RBFOX1: variants seen among roughly 807,000 people sequenced by gnomAD.
RBFOX1 encodes the protein RNA binding fox-1 homolog 1.
RBFOX1 carries 8 observed loss-of-function variants against 57.7 expected under a neutral mutation model. That is an observed-to-expected ratio of 0.14 (90% CI 0.08 to 0.25). The LOEUF is 0.25. RBFOX1 is among the 10% of genes least tolerant of loss of function. RBFOX1 has a pLI of 1.00. For missense variants in RBFOX1, 611 were observed against 548.5 expected (o/e 1.11, Z -1.14); for synonymous variants, 326 against 222.4 (o/e 1.47, Z -4.15).
intron 1 of RBFOX1, among the ~76,000 whole-genome samples, chr16:5,362,405 C>G (rs186591194): frequency 1.3e-5 from 2 of 152,292 alleles, no homozygotes; most frequent in East Asian, 3.9e-4. Flanking sequence ...TCTTGTTGCC[C>G]AGGCTGGAGT....
At chr16:6,156,586 G>A (rs1481381917) in intron 1 of RBFOX1, among the ~76,000 whole-genome samples, 3 of 152,164 alleles carry the variant, frequency 2.0e-5, no homozygotes, top group African/African-American at 7.2e-5. Context: ...ACATGTAACA[G>A]TGAGACGAGG....
intron 2 of RBFOX1, among the ~76,000 whole-genome samples, chr16:6,623,483 G>A (rs1411242519): frequency 6.6e-6 from 1 of 150,604 alleles, no homozygotes; most frequent in Non-Finnish European, 1.5e-5. Flanking sequence ...TAGGGTACAT[G>A]TGCACAATGT....
intron 1 of RBFOX1, among the ~76,000 whole-genome samples, chr16:5,389,234 T>C (rs2066338459): frequency 6.6e-6 from 1 of 151,994 alleles, no homozygotes; most frequent in Admixed American, 6.5e-5. Context: ...ATGATTTTTG[T>C]GAAAATTTCA....
intron 4 of RBFOX1, among the ~76,000 whole-genome samples, chr16:7,448,139 G>A (rs1216683345): frequency 1.3e-5 from 2 of 152,216 alleles, no homozygotes; most frequent in African/African-American, 2.4e-5. Flanking sequence ...GCTGCCAAGT[G>A]TATTAATTTC....
chr16:5,880,513 A>G (rs1406837531), intron 4 of RBFOX1, among the ~76,000 whole-genome samples: 1 of 152,234 alleles, frequency 6.6e-6, no homozygotes, highest in Non-Finnish European at 1.5e-5. Context: ...ATCTTACAAT[A>G]ATCCTATGGA....
chr16:6,586,414 C>T (rs528206017), intron 2 of RBFOX1, among the ~76,000 whole-genome samples: 4 of 152,310 alleles, frequency 2.6e-5, no homozygotes, highest in Non-Finnish European at 5.9e-5. Flanking sequence ...TTTTGTGCAT[C>T]ATCCATTTGT....
At chr16:6,539,159 G>T (rs142017582) in intron 2 of RBFOX1, among the ~76,000 whole-genome samples, 2 of 151,906 alleles carry the variant, frequency 1.3e-5, no homozygotes, top group East Asian at 3.9e-4. Context: ...TGGTATGACT[G>T]TTCTTCTCCT....
intron 1 of RBFOX1, among the ~76,000 whole-genome samples, chr16:5,382,432 A>G (rs1323898624): frequency 6.6e-6 from 1 of 151,612 alleles, no homozygotes; most frequent in African/African-American, 2.4e-5. Context: ...CACTATTTTT[A>G]AGTATGCTTT....
intron 3 of RBFOX1, among the ~76,000 whole-genome samples, chr16:6,818,167 G>A (rs2090512772): frequency 6.6e-6 from 1 of 152,168 alleles, no homozygotes; most frequent in Non-Finnish European, 1.5e-5. Flanking sequence ...CCAGGCATAT[G>A]GCTTCCTGCC....
chr16:5,994,393 C>T (rs1299089420), intron 4 of RBFOX1, among the ~76,000 whole-genome samples: 1 of 152,184 alleles, frequency 6.6e-6, no homozygotes, highest in East Asian at 1.9e-4. Context: ...AACTCCTGGC[C>T]TTGGGTGATC....
chr16:5,920,533 A>T (rs530928798), intron 4 of RBFOX1, among the ~76,000 whole-genome samples: 1 of 152,024 alleles, frequency 6.6e-6, no homozygotes, highest in Non-Finnish European at 1.5e-5. Context: ...CAGCTTTTTG[A>T]GTGTGTGCCA....
chr16:5,633,161 A>G (rs900359850), intron 3 of RBFOX1, among the ~76,000 whole-genome samples: 2 of 151,704 alleles, frequency 1.3e-5, no homozygotes, highest in South Asian at 4.2e-4. Context: ...CTGGTCTCGA[A>G]CTCCTGACCT....
At chr16:7,437,370 C>A (rs1311707030) in intron 4 of RBFOX1, among the ~76,000 whole-genome samples, 1 of 151,774 alleles carries the variant, frequency 6.6e-6, no homozygotes, top group Non-Finnish European at 1.5e-5. Context: ...ACTCCTACTT[C>A]CATCGCACAG....
intron 1 of RBFOX1, among the ~76,000 whole-genome samples, chr16:6,020,253 C>T (rs2095042703): frequency 6.6e-6 from 1 of 152,088 alleles, no homozygotes; most frequent in Non-Finnish European, 1.5e-5. Context: ...GAGCGCCCCT[C>T]CGAAGCATCC....
intron 1 of RBFOX1, among the ~76,000 whole-genome samples, chr16:5,351,383 G>T (rs1013456098): frequency 5.3e-5 from 8 of 152,158 alleles, no homozygotes; most frequent in Non-Finnish European, 2.9e-5. Flanking sequence ...AGTGAGGCTT[G>T]GAATAGTTAA....
intron 2 of RBFOX1, among the ~76,000 whole-genome samples, chr16:5,538,619 C>CTTTT (rs59757856): frequency 1.6e-5 from 2 of 126,946 alleles, no homozygotes; most frequent in Non-Finnish European, 1.7e-5. Flanking sequence ...TTTATTTCTT[C>CTTTT]TTTTTTTTTT....
chr16:5,262,112 T>A (rs1238003672), intron 1 of RBFOX1, among the ~76,000 whole-genome samples: 1 of 152,206 alleles, frequency 6.6e-6, no homozygotes, highest in East Asian at 1.9e-4. Context: ...ATTCTATTAA[T>A]ATTTGGGGTT....
At chr16:7,250,416 T>A (rs2094461839) in intron 4 of RBFOX1, among the ~76,000 whole-genome samples, 1 of 152,254 alleles carries the variant, frequency 6.6e-6, no homozygotes, top group South Asian at 2.1e-4. Context: ...TCTTCATTTG[T>A]GTCTTCTAAG....
At chr16:5,586,056 AG>A (rs2151169447) in intron 2 of RBFOX1, among the ~76,000 whole-genome samples, 1 of 152,336 alleles carries the variant, frequency 6.6e-6, no homozygotes, top group South Asian at 2.1e-4. Flanking sequence ...GAGAAGACAC[AG>A]TGCCGTGCAG....
Sources: allele counts gnomAD v4.1 joint callset (sites outside exome capture counted in the v4.1 genomes callset), GRCh38; gene constraint gnomAD v4.1.1; transcripts MANE v1.5; gene names NCBI Gene and HGNC (gene_info 2026-07-23, HGNC 2026-07-21).